The following DCPS variants were observed in gnomAD, a reference collection of about 807,000 sequenced individuals.
DCPS encodes m7GpppX diphosphatase.
Under a neutral mutation model 34.7 loss-of-function variants are expected in DCPS, and 27 were observed. The observed-to-expected ratio is 0.78, with a 90% confidence interval of 0.57 to 1.07. DCPS has a LOEUF of 1.07. Among genes scored for constraint, DCPS ranks in the 50% least tolerant of loss-of-function variants. DCPS has a pLI of 0.00. For synonymous variants in DCPS, 185 were observed against 185.7 expected, an observed-to-expected ratio of 1.00 and a Z score of 0.03; for missense variants, 464 against 436.9, an observed-to-expected ratio of 1.06 and a Z score of -0.55.
chr11:126,333,149 A>T lies in DCPS; in HGVS notation c.522+1599A>T, dbSNP rs1309278954. Among the ~76,000 whole-genome samples, 2 of 152,134 alleles carry T rather than the reference A, an allele frequency of 1.3e-5. No homozygotes were observed. The highest frequency in any genetic ancestry group is 2.9e-5 in the Non-Finnish European group (2 of 68,016). ...TGAGCCACTGTGCCTGGCCATGTATATTCCTTATTATATACCATTATGCAG... is the reference window on the plus strand; with the variant it reads ...TGAGCCACTGTGCCTGGCCATGTATTTTCCTTATTATATACCATTATGCAG... On this transcript the variant is annotated intron_variant, in intron 3 of 5. Transcript: ENST00000263579. This position sits in a 1 kb window ranked among gnomAD's most constrained non-coding sequence, Gnocchi z 5.7.
In DCPS at chr11:126,337,137, A is replaced by T. The variant is rs1951838443; in HGVS notation, c.523-1149A>T. The T allele has an allele frequency of 6.6e-6, 1 of 152,168 alleles. No homozygotes were observed. Among genetic ancestry groups the T allele is most frequent in the African/African-American group, 2.4e-5 (1 of 41,420 alleles). The allele number at this position is 152,168 out of a possible 1,614,324, so 9.4% of individuals were successfully genotyped here. On this transcript the variant is annotated intron_variant, in intron 3 of 5. Coordinates refer to ENST00000263579, the MANE Select transcript of DCPS (RefSeq NM_014026.6). The surrounding 1 kb of genome is among the most constrained non-coding windows in gnomAD (Gnocchi z 5.3). ...TCTGGGAGTGGAAGGAGGACCATGG[A>T]TGGCTGCCTGGTAGTGTCGGTTCCC...
At chr11:126,314,266 C>T (rs980843770) in intron 2 of DCPS, among the ~76,000 whole-genome samples, 14 of 152,180 alleles carry the variant, frequency 9.2e-5, no homozygotes, top group Non-Finnish European at 1.3e-4. Flanking sequence ...TTGCAGCAAA[C>T]GACATGATCT....
rs1303746288 is a variant in DCPS, at chr11:126,329,162, C to A, written c.377-2243C>A. Among the ~76,000 whole-genome samples, 1 of 152,174 alleles carries A rather than the reference C, an allele frequency of 6.6e-6. No homozygotes were observed. On this transcript the variant is annotated intron_variant, in intron 2 of 5. Coordinates refer to ENST00000263579, the MANE Select transcript of DCPS (RefSeq NM_014026.6). The surrounding 1 kb of genome is among the most constrained non-coding windows in gnomAD (Gnocchi z 5.0). ...AGATCTTGGTGTGCCTGACCTCTGACCTCTGGCCCATGACCTATGACGCTG... is the reference window on the plus strand; with the variant it reads ...AGATCTTGGTGTGCCTGACCTCTGAACTCTGGCCCATGACCTATGACGCTG...
chr11:126,314,986 A>T (rs1951647145), intron 2 of DCPS, among the ~76,000 whole-genome samples: 1 of 152,170 alleles, frequency 6.6e-6, no homozygotes, highest in Admixed American at 6.5e-5. Context: ...AAATAAAAAA[A>T]TAAAAAAATT....
chr11:126,317,388 T>G (rs544250101), intron 2 of DCPS, among the ~76,000 whole-genome samples: 1 of 148,010 alleles, frequency 6.8e-6, no homozygotes, highest in East Asian at 1.9e-4. Flanking sequence ...TTCATTCTCA[T>G]AGCATTTTGC....
chr11:126,317,542 G>A (rs1183510593), intron 2 of DCPS, among the ~76,000 whole-genome samples: 1 of 152,052 alleles, frequency 6.6e-6, no homozygotes, highest in East Asian at 1.9e-4. Context: ...CCTTATTCAG[G>A]CTGCTGGTTT....
chr11:126,327,277 G>A lies in DCPS; in HGVS notation c.377-4128G>A, dbSNP rs914317078. On this transcript the variant is annotated intron_variant, in intron 2 of 5. Transcript: ENST00000263579. The surrounding 1 kb of genome is among the most constrained non-coding windows in gnomAD (Gnocchi z 4.1). Reference sequence around the variant, plus strand: ...GTAGTGTTATAAAGCCACTAGTTTTGTTGAATGCCCCTGGATTTTGGTTTG... The same window carrying A: ...GTAGTGTTATAAAGCCACTAGTTTTATTGAATGCCCCTGGATTTTGGTTTG... Among the ~76,000 whole-genome samples, 11 of 152,150 alleles carry A rather than the reference G, an allele frequency of 7.2e-5. No individual in the cohort carries two copies. The highest frequency in any genetic ancestry group is 2.7e-4 in the African/African-American group (11 of 41,436).
intron 2 of DCPS, among the ~76,000 whole-genome samples, chr11:126,306,986 A>G (rs1014583043): frequency 3.3e-5 from 5 of 152,040 alleles, no homozygotes; most frequent in African/African-American, 9.7e-5. Flanking sequence ...TAAACACCTT[A>G]CAATGTACAG....
rs561110689 is a variant in DCPS, at chr11:126,322,421, G to A, written c.377-8984G>A. The stretch of plus-strand genomic sequence containing the variant: ...TGGGATTACAGGCGCACACCACCAC[G>A]CCCGGCTCATTTTTGTATTTTTAGT... On this transcript the variant is annotated intron_variant, in intron 2 of 5. Coordinates refer to ENST00000263579, the MANE Select transcript of DCPS (RefSeq NM_014026.6). The surrounding 1 kb of genome is among the most constrained non-coding windows in gnomAD (Gnocchi z 4.2). Among the ~76,000 whole-genome samples, 5 of 151,852 alleles carry A rather than the reference G, an allele frequency of 3.3e-5. No homozygotes were observed. The highest frequency in any genetic ancestry group is 4.2e-4 in the South Asian group (2 of 4,804).
chr11:126,316,329 CTT>C (rs764198724), intron 2 of DCPS, among the ~76,000 whole-genome samples: 2 of 142,514 alleles, frequency 1.4e-5, no homozygotes. Context: ...TCCGTGATTT[CTT>C]TTTTTTTTTT....
chr11:126,344,247 C>T lies in DCPS; in HGVS notation c.747+830C>T, dbSNP rs564748985. 6.6e-6 allele frequency among the ~76,000 whole-genome samples: 1 copy of T among 152,188 alleles called. No homozygotes were observed. The highest frequency in any genetic ancestry group is 1.5e-5 in the Non-Finnish European group (1 of 68,036). On this transcript the variant is annotated intron_variant, in intron 5 of 5. Coordinates refer to ENST00000263579, the MANE Select transcript of DCPS (RefSeq NM_014026.6). The surrounding 1 kb of genome is among the most constrained non-coding windows in gnomAD (Gnocchi z 8.1). ...CCTGGAGGCAAGGCTCTGCCCATAC[C>T]CAGCTTCCCCTGCTGCTGGGCCCCG...
chr11:126,304,311 C>G, intron 1 of DCPS, 30 bp downstream of exon 1: 1 of 1,610,796 alleles, frequency 6.2e-7, no homozygotes, highest in Non-Finnish European at 8.5e-7. Context: ...AGGTGGGATG[C>G]GGGAAGCAGT....
chr11:126,307,672 G>A (rs904964912), intron 2 of DCPS, among the ~76,000 whole-genome samples: 6 of 152,162 alleles, frequency 3.9e-5, no homozygotes, highest in African/African-American at 1.4e-4. Flanking sequence ...CTCCCAAAGT[G>A]CTGGGATTAC....
At position 126,323,678 on chromosome 11, in the gene DCPS, A is replaced by G. The variant is rs1403050043; in HGVS notation, c.377-7727A>G. Among the ~76,000 whole-genome samples, 1 of 152,078 alleles carries G rather than the reference A, an allele frequency of 6.6e-6. No individual in the cohort carries two copies. Among genetic ancestry groups the G allele is most frequent in the Non-Finnish European group, 1.5e-5 (1 of 68,016 alleles). On this transcript the variant is annotated intron_variant, in intron 2 of 5. Coordinates refer to ENST00000263579, the MANE Select transcript of DCPS (RefSeq NM_014026.6). The surrounding 1 kb of genome is among the most constrained non-coding windows in gnomAD (Gnocchi z 4.4). ...CTCAGCCACCAGAGTAGCTGGGACT[A>G]CAGGCATGTGCTATCACACCCAGCT...
chr11:126,312,492 C>T lies in DCPS; in HGVS notation c.376+5748C>T, dbSNP rs1004027531. ...TAGCTGGGACTACAGGCACCCGCCA[C>T]CACACCCAGCTAATTTTTTTGTATT... On this transcript the variant is annotated intron_variant, in intron 2 of 5. Transcript: ENST00000263579. This position sits in a 1 kb window ranked among gnomAD's most constrained non-coding sequence, Gnocchi z 5.1. 2.6e-5 allele frequency among the ~76,000 whole-genome samples: 4 copies of T among 152,008 alleles called. No individual in the cohort carries two copies. Among genetic ancestry groups the T allele is most frequent in the African/African-American group, 4.8e-5 (2 of 41,368 alleles).
In DCPS at chr11:126,320,527, G is replaced by C. The variant is rs1591384682; in HGVS notation, c.377-10878G>C. ...AACCCATCAAGACTACAAGGGCGGG[G>C]TGCAGTGGCTCATGCCCCTAATCCC... is the stretch of plus-strand genomic sequence containing the variant. On this transcript the variant is annotated intron_variant, in intron 2 of 5. Transcript: ENST00000263579. This position sits in a 1 kb window ranked among gnomAD's most constrained non-coding sequence, Gnocchi z 4.7. Among the ~76,000 whole-genome samples, 1 of 152,154 alleles carries C rather than the reference G, an allele frequency of 6.6e-6. No homozygotes were observed. The highest frequency in any genetic ancestry group is 2.1e-4 in the South Asian group (1 of 4,828).
chr11:126,340,529 T>G (rs1414550153), intron 4 of DCPS, among the ~76,000 whole-genome samples: 1 of 152,194 alleles, frequency 6.6e-6, no homozygotes, highest in Non-Finnish European at 1.5e-5. Context: ...TTTTAGCGTC[T>G]CAAATCTTTG....
intron 2 of DCPS, among the ~76,000 whole-genome samples, chr11:126,307,337 A>G (rs1383683257): frequency 6.7e-6 from 1 of 148,240 alleles, no homozygotes; most frequent in Non-Finnish European, 1.5e-5. Context: ...TATCTCAAAA[A>G]AAAAAAAAAA....
At position 126,330,719 on chromosome 11, in the gene DCPS, A is replaced by ATTTTT. The variant is rs1167717646; in HGVS notation, c.377-656_377-652dup. ...TATATATATATATATATATATATAT[A>ATTTTT]TTTTTTTTTTTTTTTTTTTTTTTTT... On this transcript the variant is annotated intron_variant, in intron 2 of 5. Coordinates refer to ENST00000263579, the MANE Select transcript of DCPS (RefSeq NM_014026.6). Among the ~76,000 whole-genome samples, 10 of 18,884 alleles carry ATTTTT rather than the reference A, an allele frequency of 5.3e-4. 3 individuals carry two copies. Among genetic ancestry groups the ATTTTT allele is most frequent in the Non-Finnish European group, 7.1e-4 (8 of 11,334 alleles). The allele number at this position is 18,884 out of a possible 152,430, so 12.4% of individuals were successfully genotyped here. A position where few individuals can be genotyped will look rare whatever the true frequency, so the allele number is the denominator to read the frequency against.
Sources: gnomAD v4.1 joint callset for allele counts (sites outside exome capture counted in the v4.1 genomes callset) on GRCh38, gnomAD v4.1.1 for gene constraint, Gnocchi (gnomAD v3.1) non-coding constraint, MANE v1.5 for transcripts, NCBI Gene and HGNC (gene_info 2026-07-23, HGNC 2026-07-21) for gene names.